ATP2B2: variants seen among roughly 807,000 people sequenced by gnomAD.
The protein encoded by ATP2B2 is plasma membrane calcium-transporting ATPase 2.
A neutral mutation model predicts 120.0 loss-of-function variants in ATP2B2; 15 were observed. That is an observed-to-expected ratio of 0.12 (90% CI 0.08 to 0.19). The LOEUF is 0.19. Among genes scored for constraint, ATP2B2 ranks in the 10% least tolerant of loss-of-function variants. ATP2B2 has a pLI of 1.00. For synonymous variants in ATP2B2, 694 were observed against 700.3 expected, an observed-to-expected ratio of 0.99 and a Z score of 0.14; for missense variants, 1,045 against 1,719.8, an observed-to-expected ratio of 0.61 and a Z score of 6.94.
chr3:10,575,787 T>G (rs1052806162), intron 2 of ATP2B2, among the ~76,000 whole-genome samples: 1 of 152,300 alleles, frequency 6.6e-6, no homozygotes, highest in East Asian at 1.9e-4. Flanking sequence ...GGAGGCTCTA[T>G]GTAGGGTTGC....
At chr3:10,394,656 T>G (rs2061974172) in intron 5 of ATP2B2, 2 of 412,886 alleles carry the variant, frequency 4.8e-6, no homozygotes. Context: ...CTCCCATGCC[T>G]GGCCTTCTGC....
intron 1 of ATP2B2, among the ~76,000 whole-genome samples, chr3:10,703,843 C>T (rs2071855841): frequency 6.6e-6 from 1 of 152,252 alleles, no homozygotes; most frequent in Admixed American, 6.5e-5. Context: ...CTCAGCCCAT[C>T]TTCCCAACCG....
At chr3:10,448,822 C>T (rs767261906) in intron 2 of ATP2B2, among the ~76,000 whole-genome samples, 24 of 152,332 alleles carry the variant, frequency 1.6e-4, no homozygotes, top group South Asian at 4.1e-4. Context: ...GCACATTAGT[C>T]ATGCTATGGT....
intron 2 of ATP2B2, among the ~76,000 whole-genome samples, chr3:10,426,947 G>T (rs182543944): frequency 6.6e-6 from 1 of 152,042 alleles, no homozygotes; most frequent in East Asian, 1.9e-4. Flanking sequence ...ATGAGAGAAG[G>T]TCCCTCGTGA....
chr3:10,497,942 T>A (rs531129625), intron 1 of ATP2B2, among the ~76,000 whole-genome samples: 4 of 152,314 alleles, frequency 2.6e-5, no homozygotes, highest in African/African-American at 9.6e-5. Context: ...AATCCTGGCT[T>A]CTTCCCACCA....
At chr3:10,666,615 A>G (rs527803505) in intron 1 of ATP2B2, among the ~76,000 whole-genome samples, 16 of 152,204 alleles carry the variant, frequency 1.1e-4, no homozygotes, top group Non-Finnish European at 1.8e-4. Context: ...CCAGATAAGG[A>G]AACTTTGAGC....
At chr3:10,701,893 A>G (rs1471542478) in intron 1 of ATP2B2, among the ~76,000 whole-genome samples, 1 of 152,114 alleles carries the variant, frequency 6.6e-6, no homozygotes, top group Non-Finnish European at 1.5e-5. Flanking sequence ...TTTTTGAAAA[A>G]GAAAAGAGCC....
At chr3:10,651,925 G>A (rs1288992536) in intron 1 of ATP2B2, among the ~76,000 whole-genome samples, 2 of 152,140 alleles carry the variant, frequency 1.3e-5, no homozygotes, top group Admixed American at 6.5e-5. Flanking sequence ...TTTCAATTTG[G>A]TGCTGTCTTC....
At chr3:10,564,512 T>C (rs369382398) in intron 2 of ATP2B2, among the ~76,000 whole-genome samples, 71 of 150,858 alleles carry the variant, frequency 4.7e-4, no homozygotes, top group African/African-American at 1.7e-3. Flanking sequence ...AGGCTGATCT[T>C]GTCTCCCCCT....
chr3:10,697,796 C>A (rs1174761796), intron 1 of ATP2B2, among the ~76,000 whole-genome samples: 2 of 152,232 alleles, frequency 1.3e-5, no homozygotes, highest in African/African-American at 2.4e-5. Context: ...AATCCTAAAT[C>A]TCAGGGTTTG....
intron 1 of ATP2B2, among the ~76,000 whole-genome samples, chr3:10,689,733 G>A (rs868754897): frequency 4.6e-5 from 7 of 152,166 alleles, no homozygotes; most frequent in South Asian, 2.1e-4. Context: ...TTTGGTTGCC[G>A]GGAAACCACT....
chr3:10,696,363 G>C (rs1050243696), intron 1 of ATP2B2, among the ~76,000 whole-genome samples: 2 of 152,098 alleles, frequency 1.3e-5, no homozygotes, highest in African/African-American at 4.8e-5. Context: ...CTGCCTCCCA[G>C]GTATTAAACA....
intron 1 of ATP2B2, among the ~76,000 whole-genome samples, chr3:10,700,867 T>C (rs2071805842): frequency 6.6e-6 from 1 of 152,198 alleles, no homozygotes; most frequent in Non-Finnish European, 1.5e-5. Context: ...GCTGCCTTGA[T>C]TGCCAAGAGA....
chr3:10,454,932 C>T (rs1223410899), intron 1 of ATP2B2, among the ~76,000 whole-genome samples: 2 of 152,010 alleles, frequency 1.3e-5, no homozygotes, highest in Non-Finnish European at 2.9e-5. Flanking sequence ...CAGGTGCCTC[C>T]CAGATTGTAG....
intron 3 of ATP2B2, among the ~76,000 whole-genome samples, chr3:10,525,571 C>A (rs1030033051): frequency 6.6e-6 from 1 of 152,038 alleles, no homozygotes; most frequent in Admixed American, 6.6e-5. Flanking sequence ...TGCCTAACAC[C>A]CTTTTCCTCT....
chr3:10,532,211 C>G (rs2067224613), intron 3 of ATP2B2, among the ~76,000 whole-genome samples: 1 of 152,180 alleles, frequency 6.6e-6, no homozygotes, highest in East Asian at 1.9e-4. Context: ...TCATCCCTCC[C>G]CAGTCCCACT....
rs186515858 is a variant in ATP2B2, at chr3:10,518,619, G to A, written c.-320+15420C>T. 1.8e-3 allele frequency among the ~76,000 whole-genome samples: 271 copies of A among 152,332 alleles called. 1 individual carries two copies. Among genetic ancestry groups the A allele is most frequent in the African/African-American group, 6.3e-3 (261 of 41,570 alleles). ...ATCCGCTTTCTCCCAGCCAAGCGCCGCTGCGGCCGTGCTGACCTCAATGAC... is the reference window on the plus strand; with the variant it reads ...ATCCGCTTTCTCCCAGCCAAGCGCCACTGCGGCCGTGCTGACCTCAATGAC... On this transcript the variant is annotated intron_variant, in intron 3 of 21. Coordinates refer to the ATP2B2 transcript ENST00000646379.
rs985062980 is a variant in ATP2B2 at position 10,559,047 on chromosome 3, T to C, written c.-414-24914A>G. 2.0e-4 allele frequency among the ~76,000 whole-genome samples: 31 copies of C among 152,200 alleles called. 1 individual carries two copies. Among genetic ancestry groups the C allele is most frequent in the Non-Finnish European group, 2.9e-5 (2 of 68,042 alleles). ...TTGTTTTCCAACATTTCAGAAATGC[T>C]TTTCTTCCCTAAGAAACACTCTCTG... On this transcript the variant is annotated intron_variant, in intron 2 of 21. Transcript: ENST00000646379.
chr3:10,593,094 A>G (rs73015611), intron 2 of ATP2B2, among the ~76,000 whole-genome samples: 10,494 of 152,314 alleles, frequency 0.069, 559 homozygotes, highest in East Asian at 0.3. Context: ...CCCATTTGCT[A>G]TCTCTTCTAA....
Sources: allele counts gnomAD v4.1 joint callset (sites outside exome capture counted in the v4.1 genomes callset), GRCh38; gene constraint gnomAD v4.1.1; transcripts MANE v1.5; gene names NCBI Gene and HGNC (gene_info 2026-07-23, HGNC 2026-07-21).